The following PCDH9 variants were observed in gnomAD, a reference collection of about 807,000 sequenced individuals.
PCDH9 encodes protocadherin 9, also known as protocadherin-9.
PCDH9 carries 24 observed loss-of-function variants against 70.6 expected under a neutral mutation model. That is an observed-to-expected ratio of 0.34 (90% confidence interval 0.25 to 0.48). The LOEUF is 0.48. Among genes scored for constraint, PCDH9 ranks in the 20% least tolerant of loss-of-function variants. PCDH9 has a pLI of 0.99. For synonymous variants in PCDH9, 562 were observed against 558.5 expected (o/e 1.01, Z -0.09); for missense variants, 1,281 against 1,503.6 (o/e 0.85, Z 2.45).
At chr13:66,600,428 T>C (rs931904522) in intron 4 of PCDH9, among the ~76,000 whole-genome samples, 1 of 151,956 alleles carries the variant, frequency 6.6e-6, no homozygotes, top group Non-Finnish European at 1.5e-5. Flanking sequence ...GCTAGTATTA[T>C]TTTCATTGAC....
At chr13:66,859,462 T>G (rs1401551053) in intron 3 of PCDH9, among the ~76,000 whole-genome samples, 1 of 152,212 alleles carries the variant, frequency 6.6e-6, no homozygotes, top group Non-Finnish European at 1.5e-5. Flanking sequence ...TAATTGTATT[T>G]ATGCAAAATC....
At chr13:67,032,981 GT>G (rs1360070779) in intron 2 of PCDH9, among the ~76,000 whole-genome samples, 2 of 136,588 alleles carry the variant, frequency 1.5e-5, no homozygotes, top group Non-Finnish European at 3.1e-5. Flanking sequence ...CTTCTAATTT[GT>G]CCTTTTTTTT....
chr13:66,877,180 C>T (rs1038604915), intron 3 of PCDH9, among the ~76,000 whole-genome samples: 7 of 151,832 alleles, frequency 4.6e-5, no homozygotes, highest in South Asian at 2.1e-4. Flanking sequence ...ATTTCTAATA[C>T]TAGACATGGT....
intron 2 of PCDH9, chr13:67,206,837 A>G (rs1190898638): frequency 6.6e-6 from 1 of 152,184 alleles, no homozygotes; most frequent in African/African-American, 2.4e-5. Flanking sequence ...TACACTTGTT[A>G]TCATTAGAGT....
chr13:66,306,715 G>T (rs1461482835), intron 4 of PCDH9, among the ~76,000 whole-genome samples: 3 of 151,716 alleles, frequency 2.0e-5, no homozygotes, highest in African/African-American at 7.3e-5. Flanking sequence ...AGAGCAAACA[G>T]TTTTATTTTG....
Position 66,833,154 on chromosome 13 carries a change from C to G in PCDH9, c.3138+70350G>C, listed in dbSNP as rs577155643. Among the ~76,000 whole-genome samples, 11 of 152,238 alleles carry G rather than the reference C, an allele frequency of 7.2e-5. No individual in the cohort carries two copies. The South Asian group carries it at 2.3e-3, about 32-fold the overall frequency. On this transcript the variant is annotated intron_variant, in intron 3 of 4. Coordinates refer to ENST00000377865, the MANE Select transcript of PCDH9 (RefSeq NM_203487.3). ...GCCCGTTAATGCCAGGTACATGTAC[C>G]TTGAGGAGAGCTATGCTGCTCTAAC...
chr13:67,111,902 C>T (rs2086666336), intron 2 of PCDH9, among the ~76,000 whole-genome samples: 1 of 152,092 alleles, frequency 6.6e-6, no homozygotes, highest in African/African-American at 2.4e-5. Flanking sequence ...TGTTATTACC[C>T]TGGCCTGGAA....
At chr13:66,383,773 CCAGG>C (rs1956885212) in intron 4 of PCDH9, among the ~76,000 whole-genome samples, 1 of 152,094 alleles carries the variant, frequency 6.6e-6, no homozygotes. Flanking sequence ...CAGAAATAAT[CCAGG>C]CACCACATTT....
intron 3 of PCDH9, among the ~76,000 whole-genome samples, chr13:66,757,703 A>T (rs2079558379): frequency 6.6e-6 from 1 of 152,276 alleles, no homozygotes; most frequent in East Asian, 1.9e-4. Context: ...TCTGACTACT[A>T]TAGAAATAAA....
chr13:66,752,352 A>G (rs2139229391), intron 3 of PCDH9, among the ~76,000 whole-genome samples: 1 of 152,334 alleles, frequency 6.6e-6, no homozygotes, highest in Non-Finnish European at 1.5e-5. Flanking sequence ...TGAGATATGC[A>G]ACGGTGCAAT....
intron 2 of PCDH9, among the ~76,000 whole-genome samples, chr13:66,987,993 G>C (rs990686758): frequency 6.6e-6 from 1 of 151,650 alleles, no homozygotes; most frequent in Non-Finnish European, 1.5e-5. Context: ...ATAAGTTCTT[G>C]GGCTCAAGTG....
intron 2 of PCDH9, among the ~76,000 whole-genome samples, chr13:67,131,993 G>C (rs1417204207): frequency 6.6e-6 from 1 of 152,132 alleles, no homozygotes; most frequent in Non-Finnish European, 1.5e-5. Context: ...CCTTCACCAA[G>C]CCAGTCAAAT....
intron 2 of PCDH9, among the ~76,000 whole-genome samples, chr13:67,144,056 C>T (rs183502923): frequency 1.3e-5 from 2 of 151,986 alleles, no homozygotes; most frequent in African/African-American, 4.8e-5. Context: ...TCCCTTTAGT[C>T]CAAGGAAGGC....
At chr13:67,219,350 A>AAC (rs1448477227) in intron 2 of PCDH9, 1 of 152,024 alleles carries the variant, frequency 6.6e-6, no homozygotes, top group Non-Finnish European at 1.5e-5. Flanking sequence ...CAAAGGCAAA[A>AAC]AGCATGTGTT....
intron 2 of PCDH9, among the ~76,000 whole-genome samples, chr13:67,028,849 G>A (rs571993407): frequency 5.3e-5 from 8 of 152,148 alleles, no homozygotes; most frequent in Admixed American, 2.6e-4. Flanking sequence ...ACAGGAGAAC[G>A]AGACATTTTG....
At chr13:67,062,434 C>A (rs556356255) in intron 2 of PCDH9, among the ~76,000 whole-genome samples, 212 of 152,238 alleles carry the variant, frequency 1.4e-3, no homozygotes, top group African/African-American at 4.6e-3. Flanking sequence ...TGCAAGATTT[C>A]TTTCACAATG....
chr13:67,020,494 A>G (rs896171644), intron 2 of PCDH9, among the ~76,000 whole-genome samples: 25 of 152,344 alleles, frequency 1.6e-4, no homozygotes, highest in African/African-American at 5.8e-4. Context: ...CTGAAGAAGA[A>G]TTCCCACGTT....
intron 4 of PCDH9, among the ~76,000 whole-genome samples, chr13:66,595,205 T>C (rs1163145383): frequency 1.3e-5 from 2 of 151,784 alleles, no homozygotes; most frequent in South Asian, 4.2e-4. Context: ...AGCATTTTTT[T>C]TTCCACTTTC....
At chr13:66,307,505 T>C (rs753790528) in intron 4 of PCDH9, among the ~76,000 whole-genome samples, 38 of 152,240 alleles carry the variant, frequency 2.5e-4, no homozygotes, top group Non-Finnish European at 4.3e-4. Flanking sequence ...AGCTTATAAA[T>C]GAATAATTTA....
Sources: allele counts gnomAD v4.1 joint callset (sites outside exome capture counted in the v4.1 genomes callset), GRCh38; gene constraint gnomAD v4.1.1; transcripts MANE v1.5; gene names NCBI Gene and HGNC (gene_info 2026-07-23, HGNC 2026-07-21).